The following EPC1 variants were observed in gnomAD, a reference collection of about 807,000 sequenced individuals.
EPC1 encodes the protein enhancer of polycomb homolog 1.
Under a neutral mutation model 98.4 loss-of-function variants are expected in EPC1, and 12 were observed. The ratio of observed to expected loss-of-function variants is 0.12; its 90% CI spans 0.08 to 0.20. The LOEUF is 0.20. Among genes scored for constraint, EPC1 ranks in the 10% least tolerant of loss-of-function variants. The probability of loss-of-function intolerance (pLI) is 1.00; values close to 1 mark genes in which losing one functional copy is unlikely to be tolerated. For synonymous variants in EPC1, 357 were observed against 363.9 expected (o/e 0.98, Z 0.21); for missense variants, 729 against 990.5 (o/e 0.74, Z 3.54).
chr10:32,337,320 GC>G (rs886859963), intron 1 of EPC1, among the ~76,000 whole-genome samples: 145 of 152,322 alleles, frequency 9.5e-4, no homozygotes, highest in African/African-American at 3.4e-3. Flanking sequence ...CACAGTCTCA[GC>G]CCTATGAGCT....
intron 2 of EPC1, among the ~76,000 whole-genome samples, chr10:32,300,499 T>C (rs1411996239): frequency 6.6e-6 from 1 of 151,332 alleles, no homozygotes; most frequent in African/African-American, 2.4e-5. Flanking sequence ...AGTGGCGCGA[T>C]CTCGGCTCAC....
rs559794454 is a variant in EPC1 at position 32,295,300 on chromosome 10, G to C, written c.314-1563C>G. 4.6e-5 allele frequency among the ~76,000 whole-genome samples: 7 copies of C among 152,152 alleles called. No homozygotes were observed. The East Asian group carries it at 1.4e-3, about 29-fold the overall frequency. On this transcript the variant is annotated intron_variant, in intron 2 of 13. Transcript: ENST00000319778. Reference sequence around the variant, plus strand: ...CAGTCAGACATTAAAGTCTGTGATGGGTACAAAGGGCACTATTTAGCTGCC... The same window carrying C: ...CAGTCAGACATTAAAGTCTGTGATGCGTACAAAGGGCACTATTTAGCTGCC...
intron 1 of EPC1, among the ~76,000 whole-genome samples, chr10:32,322,370 T>G (rs1836980306): frequency 6.6e-6 from 1 of 152,174 alleles, no homozygotes; most frequent in South Asian, 2.1e-4. Context: ...TGAGTTTACT[T>G]ATAAGGAATC....
At chr10:32,307,247 C>T (rs1835929025) in intron 1 of EPC1, among the ~76,000 whole-genome samples, 1 of 152,202 alleles carries the variant, frequency 6.6e-6, no homozygotes, top group African/African-American at 2.4e-5. Flanking sequence ...TGCCTACCAT[C>T]TCCTAAGTGC....
intron 1 of EPC1, among the ~76,000 whole-genome samples, chr10:32,364,010 T>C (rs1242831030): frequency 4.9e-4 from 62 of 127,666 alleles, no homozygotes; most frequent in African/African-American, 1.3e-3. Flanking sequence ...GCATTTTTTT[T>C]TTTTTTTTTT....
intron 1 of EPC1, among the ~76,000 whole-genome samples, chr10:32,333,133 G>A (rs900348326): frequency 2.0e-5 from 3 of 152,146 alleles, no homozygotes; most frequent in African/African-American, 7.2e-5. Flanking sequence ...ACAAGGTCAG[G>A]AGATCTAGAC....
chr10:32,364,907 AT>A (rs5784286), intron 1 of EPC1, among the ~76,000 whole-genome samples: 56,134 of 139,190 alleles, frequency 0.4, 11,890 homozygotes, highest in African/African-American at 0.57. Context: ...TTTTTTCATG[AT>A]TTTTTTTTTT....
intron 1 of EPC1, among the ~76,000 whole-genome samples, chr10:32,326,179 G>A (rs143793027): frequency 2.4e-4 from 36 of 152,146 alleles, no homozygotes; most frequent in East Asian, 3.9e-4. Flanking sequence ...ACACAAAAAC[G>A]AATACTGAAA....
intron 1 of EPC1, among the ~76,000 whole-genome samples, chr10:32,338,958 TAAATA>T (rs1838157473): frequency 6.7e-6 from 1 of 149,410 alleles, no homozygotes; most frequent in Non-Finnish European, 1.5e-5. Flanking sequence ...AATAAATAAA[TAAATA>T]AAATAATAAA....
Position 32,271,931 on chromosome 10 carries a change from G to C in EPC1, c.2006-14C>G. Reference sequence around the variant, plus strand: ...CCTTGTATACTCCTAGAGAGAAAAAGAAAGAAACATCTAAACAATGTACAA... The same window carrying C: ...CCTTGTATACTCCTAGAGAGAAAAACAAAGAAACATCTAAACAATGTACAA... On this transcript the variant is annotated splice_polypyrimidine_tract_variant and intron_variant, in intron 12 of 13. Coordinates refer to ENST00000319778, the MANE Select transcript of EPC1 (RefSeq NM_001272004.3). 1 of 1,605,656 alleles carries C rather than the reference G, an allele frequency of 6.2e-7. No homozygotes were observed. Among genetic ancestry groups the C allele is most frequent in the African/African-American group, 1.3e-5 (1 of 74,416 alleles).
chr10:32,324,199 A>T (rs1314894415), intron 1 of EPC1, among the ~76,000 whole-genome samples: 1 of 151,654 alleles, frequency 6.6e-6, no homozygotes, highest in Non-Finnish European at 1.5e-5. Context: ...AGCCTCCCAA[A>T]GTGCTGGGAT....
intron 13 of EPC1, 23 bp from the exon 14 acceptor site, chr10:32,269,158 A>C: frequency 1.3e-6 from 2 of 1,591,604 alleles, no homozygotes; most frequent in Non-Finnish European, 1.7e-6. Context: ...AGTTCAATCA[A>C]TTACTTATCT....
chr10:32,276,322 C>T (rs900325932), intron 10 of EPC1, among the ~76,000 whole-genome samples: 1 of 152,174 alleles, frequency 6.6e-6, no homozygotes, highest in African/African-American at 2.4e-5. Context: ...ACCACCCTGA[C>T]CAACATGGTG....
At chr10:32,318,896 CTTTA>C (rs201419747) in intron 1 of EPC1, among the ~76,000 whole-genome samples, 4,138 of 152,266 alleles carry the variant, frequency 0.027, 84 homozygotes, top group Non-Finnish European at 0.038. Flanking sequence ...ATCTTTGGGT[CTTTA>C]TTTGCCTCCC....
intron 6 of EPC1, among the ~76,000 whole-genome samples, chr10:32,287,768 T>A (rs1466966440): frequency 6.6e-6 from 1 of 151,776 alleles, no homozygotes; most frequent in Non-Finnish European, 1.5e-5. Flanking sequence ...TAATGCTGAG[T>A]GAGGGGTTAT....
upstream of EPC1, among the ~76,000 whole-genome samples, chr10:32,351,718 A>ATTAT (rs61371961): frequency 0.066 from 9,908 of 150,936 alleles, 1,106 homozygotes; most frequent in African/African-American, 0.23. Flanking sequence ...CATTCTTTTG[A>ATTAT]TTATTTATTT....
At chr10:32,290,978 T>C (rs994743240) in intron 6 of EPC1, among the ~76,000 whole-genome samples, 185 bp downstream of exon 6, 3 of 152,092 alleles carry the variant, frequency 2.0e-5, no homozygotes, top group African/African-American at 7.2e-5. Flanking sequence ...GGTTTCACCA[T>C]GTTGGTCAGG....
At chr10:32,279,571 TA>T (rs2132669895) in intron 10 of EPC1, among the ~76,000 whole-genome samples, 1 of 152,236 alleles carries the variant, frequency 6.6e-6, no homozygotes, top group East Asian at 1.9e-4. Context: ...TATTCGTTTA[TA>T]AAAATAAACC....
chr10:32,271,382 T>C (rs552003568), intron 13 of EPC1, among the ~76,000 whole-genome samples, 172 bp downstream of exon 13: 47 of 152,350 alleles, frequency 3.1e-4, no homozygotes, highest in African/African-American at 1.0e-3. Flanking sequence ...TTGAATTAAG[T>C]GTTCAAGAAC....
Sources: allele counts gnomAD v4.1 joint callset (sites outside exome capture counted in the v4.1 genomes callset), GRCh38; gene constraint gnomAD v4.1.1; transcripts MANE v1.5; gene names NCBI Gene and HGNC (gene_info 2026-07-23, HGNC 2026-07-21).